The following FRMD5 variants were observed in gnomAD, a reference collection of about 807,000 sequenced individuals.
FRMD5 encodes the protein FERM domain-containing protein 5.
A neutral mutation model predicts 69.0 loss-of-function variants in FRMD5; 20 were observed. That is an observed-to-expected ratio of 0.29 (90% CI 0.20 to 0.42). The LOEUF is 0.42. FRMD5 is among the 10% of genes least tolerant of loss of function. FRMD5 has a pLI of 1.00. For synonymous variants in FRMD5, 271 were observed against 260.1 expected (o/e 1.04, Z -0.40); for missense variants, 595 against 708.6 (o/e 0.84, Z 1.82).
At chr15:43,892,509 A>G (rs1003556160) in intron 7 of FRMD5, among the ~76,000 whole-genome samples, 7 of 152,256 alleles carry the variant, frequency 4.6e-5, no homozygotes, top group Non-Finnish European at 7.3e-5. Context: ...ATGCATGTCC[A>G]CACAGAAACT....
At chr15:44,084,682 T>C (rs1595705111) in intron 1 of FRMD5, among the ~76,000 whole-genome samples, 1 of 152,128 alleles carries the variant, frequency 6.6e-6, no homozygotes. Context: ...AGGCTAATAA[T>C]CCTTTAGCTT....
chr15:43,998,219 A>C (rs1890029132), intron 1 of FRMD5, among the ~76,000 whole-genome samples: 4 of 152,164 alleles, frequency 2.6e-5, no homozygotes, highest in Admixed American at 2.6e-4. Flanking sequence ...TTCTGCTATC[A>C]AGATTAAATG....
chr15:44,122,032 A>C (rs1358556146), intron 1 of FRMD5, among the ~76,000 whole-genome samples: 1 of 151,692 alleles, frequency 6.6e-6, no homozygotes, highest in Non-Finnish European at 1.5e-5. Flanking sequence ...TATACTTTTC[A>C]CTGTAACACA....
intron 4 of FRMD5, among the ~76,000 whole-genome samples, chr15:43,911,713 C>A (rs1180155265): frequency 1.3e-5 from 2 of 152,182 alleles, no homozygotes; most frequent in African/African-American, 4.8e-5. Flanking sequence ...AGTAAAATTC[C>A]TTTAAATTCG....
rs187544332 is a variant in FRMD5, at chr15:44,129,560, C to T, written c.102+65393G>A. Among the ~76,000 whole-genome samples, 10 of 152,054 alleles carry T rather than the reference C, an allele frequency of 6.6e-5. No homozygotes were observed. In the East Asian group the frequency reaches 1.7e-3, roughly 27 times the overall value. On this transcript the variant is annotated intron_variant, in intron 1 of 13. Transcript: ENST00000417257. ...AAAATAAACAAAAAGTTAAAGTAAT[C>T]CTTAGAGGTTCTCTGCAGTCCCCAG...
At chr15:44,198,458 C>T (rs2078324339), upstream of FRMD5, among the ~76,000 whole-genome samples, 1 of 152,060 alleles carries the variant, frequency 6.6e-6, no homozygotes, top group Non-Finnish European at 1.5e-5. Context: ...CCCTTCTTCT[C>T]TGATACAAAA....
In FRMD5 at chr15:43,888,163, G is replaced by A; in HGVS notation, c.884+12C>T. ...CTAAGAAAGACAGTCCCCATCACAT[G>A]TATCCACTCACTTGTAGAAGGCTTG... On this transcript the variant is annotated intron_variant, in intron 10 of 13. Coordinates refer to ENST00000417257, the MANE Select transcript of FRMD5 (RefSeq NM_032892.5). 6.3e-7 allele frequency: 1 copy of A among 1,592,730 alleles called. No homozygotes were observed. Among genetic ancestry groups the A allele is most frequent in the Non-Finnish European group, 8.6e-7 (1 of 1,160,704 alleles).
chr15:44,119,208 C>T lies in FRMD5; in HGVS notation c.102+75745G>A, dbSNP rs141201203. Among the ~76,000 whole-genome samples the T allele has an allele frequency of 2.6e-5, 4 of 152,254 alleles. No homozygotes were observed. The East Asian group carries it at 7.7e-4, about 29-fold the overall frequency. ...CTGCTGGGCTCAAGAAATCCTCCCA[C>T]CTCGGCCTTCCAAAGTACTGGAATT... On this transcript the variant is annotated intron_variant, in intron 1 of 13. Transcript: ENST00000417257.
intron 1 of FRMD5, among the ~76,000 whole-genome samples, chr15:44,125,694 A>G (rs943543120): frequency 5.9e-5 from 9 of 152,370 alleles, no homozygotes; most frequent in African/African-American, 2.2e-4. Context: ...GAGGACTAAG[A>G]AGATAATAAA....
At chr15:44,065,121 C>T (rs566749043) in intron 1 of FRMD5, among the ~76,000 whole-genome samples, 2 of 152,268 alleles carry the variant, frequency 1.3e-5, no homozygotes, top group Admixed American at 1.3e-4. Flanking sequence ...TATTTAAGTC[C>T]CATTTCTTCC....
At chr15:44,006,514 TAG>T (rs1223589756) in intron 1 of FRMD5, among the ~76,000 whole-genome samples, 2 of 152,220 alleles carry the variant, frequency 1.3e-5, no homozygotes, top group African/African-American at 2.4e-5. Context: ...GCTGCATGAA[TAG>T]TGATTCCTCT....
intron 1 of FRMD5, chr15:43,989,798 T>C (rs1259021171): frequency 1.9e-6 from 2 of 1,044,538 alleles, no homozygotes; most frequent in Non-Finnish European, 3.0e-6. Flanking sequence ...ATGGCTGGCC[T>C]GTCGAAGATC....
intron 1 of FRMD5, among the ~76,000 whole-genome samples, chr15:44,030,417 A>G (rs1891629611): frequency 6.6e-6 from 1 of 152,128 alleles, no homozygotes. Flanking sequence ...ATAATGTACA[A>G]CTGAAAATAC....
At position 43,905,941 on chromosome 15, in the gene FRMD5, C is replaced by T; in HGVS notation, c.438G>A (p.Gly146=). ...CAGGGTGTTTCCCTGAGTCATAATC[C>T]CCAATCTCCGCTTTCAAAAGGAAGG... The part of the protein sequence containing the change: ...LAAYILQAEI[G]DYDSGKHPEG... Residue 146 remains glycine (G), a synonymous_variant, in exon 6 of 14, where the codon GGG becomes GGA. Transcript: ENST00000417257. 1.9e-6 allele frequency: 3 copies of T among 1,614,150 alleles called. No individual in the cohort carries two copies. The highest frequency in any genetic ancestry group is 2.5e-6 in the Non-Finnish European group (3 of 1,180,022).
Position 44,007,202 on chromosome 15 carries a change from A to T in FRMD5, c.103-82893T>A, listed in dbSNP as rs1341813967. Among the ~76,000 whole-genome samples, 3 of 152,186 alleles carry T rather than the reference A, an allele frequency of 2.0e-5. No individual in the cohort carries two copies. The East Asian group carries it at 5.8e-4, about 29-fold the overall frequency. ...TTTTTTAGCAACAAAGCATTTTTAAATTAAAATATATAAATGTTTTTTTCC... is the reference window on the plus strand; with the variant it reads ...TTTTTTAGCAACAAAGCATTTTTAATTTAAAATATATAAATGTTTTTTTCC... On this transcript the variant is annotated intron_variant, in intron 1 of 13. Coordinates refer to ENST00000417257, the MANE Select transcript of FRMD5 (RefSeq NM_032892.5).
intron 1 of FRMD5, among the ~76,000 whole-genome samples, chr15:44,074,340 G>A (rs772132019): frequency 6.6e-5 from 10 of 151,976 alleles, no homozygotes; most frequent in Non-Finnish European, 1.3e-4. Context: ...ATATTGACCA[G>A]AAGTCCTGGT....
chr15:44,133,195 A>G (rs967362957), intron 1 of FRMD5, among the ~76,000 whole-genome samples: 1 of 151,236 alleles, frequency 6.6e-6, no homozygotes. Flanking sequence ...GCCTGGCGAC[A>G]CTGCGAGACT....
intron 1 of FRMD5, among the ~76,000 whole-genome samples, chr15:44,040,817 A>G (rs1463956113): frequency 6.6e-6 from 1 of 151,990 alleles, no homozygotes; most frequent in Non-Finnish European, 1.5e-5. Flanking sequence ...ACATAACAAT[A>G]TTAACCTTAA....
chr15:44,098,910 T>C (rs1196129336), intron 1 of FRMD5, among the ~76,000 whole-genome samples: 1 of 152,238 alleles, frequency 6.6e-6, no homozygotes, highest in Non-Finnish European at 1.5e-5. Flanking sequence ...ATAAAGATAA[T>C]TGATTTGCAA....
Sources: gnomAD v4.1 joint callset for allele counts (sites outside exome capture counted in the v4.1 genomes callset) on GRCh38, gnomAD v4.1.1 for gene constraint, MANE v1.5 for transcripts, NCBI Gene and HGNC (gene_info 2026-07-23, HGNC 2026-07-21) for gene names.